Variants in ARL6IP6 observed in about 807,000 individuals in gnomAD.
The protein encoded by ARL6IP6 is ADP-ribosylation factor-like protein 6-interacting protein 6.
A neutral mutation model predicts 21.5 loss-of-function variants in ARL6IP6; 22 were observed. The observed-to-expected ratio is 1.02, with a 90% CI of 0.73 to 1.46. The LOEUF is 1.46. ARL6IP6 is among the 40% of genes most tolerant of loss of function. ARL6IP6 has a pLI of 0.00. For missense variants in ARL6IP6, 388 were observed against 299.8 expected (o/e 1.29, Z -2.17); for synonymous variants, 164 against 125.3 (o/e 1.31, Z -2.06).
chr2:152,719,794 G>A, intron 1 of ARL6IP6: 1 of 315,708 alleles, frequency 3.2e-6, no homozygotes, highest in Non-Finnish European at 6.5e-6. Flanking sequence ...TTTGTTGTAT[G>A]AAAAGCACCC....
chr2:152,728,602 C>G (rs1162403100), intron 2 of ARL6IP6, among the ~76,000 whole-genome samples: 2 of 152,104 alleles, frequency 1.3e-5, no homozygotes. Context: ...TCCCTGACAC[C>G]AGAATGGCTT....
At chr2:152,717,786 T>G, upstream of ARL6IP6, 1 of 1,201,112 alleles carries the variant, frequency 8.3e-7, no homozygotes, top group Non-Finnish European at 1.0e-6. Flanking sequence ...AGTGGGGGTC[T>G]GCCACCTTCA....
intron 3 of ARL6IP6, among the ~76,000 whole-genome samples, chr2:152,757,040 T>A (rs1416634799): frequency 1.3e-5 from 2 of 152,172 alleles, no homozygotes; most frequent in Non-Finnish European, 2.9e-5. Context: ...CATTTTGCTA[T>A]ATACTGCAGT....
chr2:152,718,677 G>A lies in ARL6IP6; in HGVS notation c.53G>A (p.Gly18Asp). ...TCGGCTCTGCGGCGCCGCGGTCCCG[G>A]CACCCCGGGCCCTGTGGCTCGGCCA... ...WRSALRRRGP[G>D]TPGPVARPSY... Residue 18 changes from glycine to aspartate, a missense_variant, in exon 1 of 4, where the codon GGC (glycine) becomes GAC (aspartate). Physicochemically the swap from Gly to Asp is moderately conservative, Grantham distance 94 (BLOSUM62 -1). Coordinates refer to ENST00000326446, the MANE Select transcript of ARL6IP6 (RefSeq NM_152522.7). 2.5e-6 allele frequency: 4 copies of A among 1,577,886 alleles called. No homozygotes were observed. The highest frequency in any genetic ancestry group is 3.4e-6 in the Non-Finnish European group (4 of 1,161,188).
At chr2:152,723,431 A>G (rs1280798141) in intron 2 of ARL6IP6, among the ~76,000 whole-genome samples, 1 of 152,180 alleles carries the variant, frequency 6.6e-6, no homozygotes, top group Non-Finnish European at 1.5e-5. Flanking sequence ...TGGCATACTT[A>G]TTATTGCCCA....
rs117589993 is a variant in ARL6IP6, at chr2:152,734,393, A to G, written c.455-601A>G. ...GAGGGGATACCCCCAAATTGAGGCAAGTTTCAAAAGTGCATGGCGTGGAAT... is the reference window on the plus strand; with the variant it reads ...GAGGGGATACCCCCAAATTGAGGCAGGTTTCAAAAGTGCATGGCGTGGAAT... On this transcript the variant is annotated intron_variant, in intron 2 of 3. Transcript: ENST00000326446. Among the ~76,000 whole-genome samples the G allele has an allele frequency of 3.2e-3, 485 of 152,356 alleles. 8 individuals are homozygous for G. The highest frequency in any genetic ancestry group is 0.014 in the East Asian group (73 of 5,190).
intron 3 of ARL6IP6, among the ~76,000 whole-genome samples, chr2:152,757,158 G>T (rs990704847): frequency 2.0e-5 from 3 of 152,176 alleles, no homozygotes; most frequent in Admixed American, 1.3e-4. Context: ...ATGCCATGTA[G>T]ATGTAGTTTC....
chr2:152,753,622 A>G (rs537452171), intron 3 of ARL6IP6, among the ~76,000 whole-genome samples: 10 of 151,920 alleles, frequency 6.6e-5, no homozygotes, highest in Non-Finnish European at 1.5e-4. Context: ...TGTTTATTAA[A>G]AAAAAAAAGA....
At chr2:152,720,213 G>A (rs1253738519) in intron 1 of ARL6IP6, 2 of 368,524 alleles carry the variant, frequency 5.4e-6, no homozygotes, top group Admixed American at 8.5e-5. Flanking sequence ...CATTGCAGAA[G>A]ACATTGAACT....
chr2:152,760,788 C>G lies in ARL6IP6; in HGVS notation c.*948C>G, dbSNP rs13405185. The G allele has an allele frequency of 7.3e-4, 111 of 151,380 alleles. No individual in the cohort carries two copies. The highest frequency in any genetic ancestry group is 1.5e-3 in the Non-Finnish European group (102 of 67,870). 9.4% of individuals were successfully genotyped at this position (151,380 alleles called of 1,614,324 possible). A position where few individuals can be genotyped will look rare whatever the true frequency, so the allele number is the denominator to read the frequency against. ...ATTTTTGTATGTGAGAATGATTGAA[C>G]TAGTTTGTTCTTAATCTCAAAAATT... On this transcript the variant is annotated 3_prime_UTR_variant, in exon 4 of 4. Transcript: ENST00000326446.
At chr2:152,745,098 T>G (rs776842192) in intron 3 of ARL6IP6, among the ~76,000 whole-genome samples, 1 of 152,180 alleles carries the variant, frequency 6.6e-6, no homozygotes, top group Non-Finnish European at 1.5e-5. Context: ...TACTTTGACA[T>G]GTGAATTTCC....
At chr2:152,724,376 T>C (rs1301654234) in intron 2 of ARL6IP6, among the ~76,000 whole-genome samples, 2 of 152,332 alleles carry the variant, frequency 1.3e-5, no homozygotes, top group African/African-American at 4.8e-5. Flanking sequence ...TTTCCTCTAG[T>C]ATTCTCAACT....
At chr2:152,738,821 T>C (rs1700669254) in intron 3 of ARL6IP6, among the ~76,000 whole-genome samples, 1 of 152,200 alleles carries the variant, frequency 6.6e-6, no homozygotes, top group South Asian at 2.1e-4. Context: ...TCCTCATTAT[T>C]TCTGCAAATT....
At chr2:152,751,192 A>G (rs1701311422) in intron 3 of ARL6IP6, among the ~76,000 whole-genome samples, 1 of 141,596 alleles carries the variant, frequency 7.1e-6, no homozygotes, top group Non-Finnish European at 1.6e-5. Context: ...CAAGTTTCCC[A>G]CGTTTGACTT....
intron 3 of ARL6IP6, among the ~76,000 whole-genome samples, chr2:152,750,678 G>A (rs1701287713): frequency 1.3e-5 from 2 of 152,000 alleles, no homozygotes; most frequent in African/African-American, 4.8e-5. Flanking sequence ...GTCCATTGCT[G>A]TACCTTTTAA....
chr2:152,719,170 T>G, intron 1 of ARL6IP6, 146 bp downstream of exon 1: 1 of 925,144 alleles, frequency 1.1e-6, no homozygotes, highest in Non-Finnish European at 1.5e-6. Context: ...CATCTTACTT[T>G]GCTCTCCCGC....
chr2:152,737,736 A>AT (rs1447567859), intron 3 of ARL6IP6, among the ~76,000 whole-genome samples: 1 of 152,156 alleles, frequency 6.6e-6, no homozygotes, highest in African/African-American at 2.4e-5. Flanking sequence ...CACCCCCATA[A>AT]TTTAATTACC....
rs1265997827 is a variant in ARL6IP6 at position 152,761,934 on chromosome 2, TATAGAG to T, written c.*2096_*2101del. ...CAAGATATATATTAATATAGATAAA[TATAGAG>T]AGAGATGTATCCGTAAGATATTTTT... On this transcript the variant is annotated 3_prime_UTR_variant, in exon 4 of 4. Coordinates refer to ENST00000326446, the MANE Select transcript of ARL6IP6 (RefSeq NM_152522.7). Among the ~76,000 whole-genome samples the T allele has an allele frequency of 6.6e-5, 10 of 152,134 alleles. No homozygotes were observed. The highest frequency in any genetic ancestry group is 2.4e-4 in the African/African-American group (10 of 41,424).
Position 152,761,936 on chromosome 2 carries a change from TAGAG to T in ARL6IP6, c.*2102_*2105del, listed in dbSNP as rs1162635040. Among the ~76,000 whole-genome samples the T allele has an allele frequency of 2.6e-5, 4 of 152,120 alleles. No homozygotes were observed. The highest frequency in any genetic ancestry group is 5.9e-5 in the Non-Finnish European group (4 of 68,028). ...AGATATATATTAATATAGATAAATA[TAGAG>T]AGAGATGTATCCGTAAGATATTTTT... is the stretch of plus-strand genomic sequence containing the variant. On this transcript the variant is annotated 3_prime_UTR_variant, in exon 4 of 4. Transcript: ENST00000326446.
Sources: allele counts gnomAD v4.1 joint callset (sites outside exome capture counted in the v4.1 genomes callset), GRCh38; gene constraint gnomAD v4.1.1; transcripts MANE v1.5; gene names NCBI Gene and HGNC (gene_info 2026-07-23, HGNC 2026-07-21).